DLC1: variants seen among roughly 807,000 people sequenced by gnomAD.
DLC1 encodes the protein rho GTPase-activating protein 7.
Under a neutral mutation model 140.3 loss-of-function variants are expected in DLC1, and 54 were observed. The observed-to-expected ratio is 0.38, with a 90% confidence interval of 0.31 to 0.48. The LOEUF is 0.48. Ranked by LOEUF, DLC1 falls within the 20% of genes least tolerant of loss-of-function variation. DLC1 has a pLI of 0.96. For synonymous variants in DLC1, 986 were observed against 728.1 expected, an observed-to-expected ratio of 1.35 and a Z score of -5.70; for missense variants, 2,536 against 1,907.0, an observed-to-expected ratio of 1.33 and a Z score of -6.14.
At chr8:13,299,743 AG>A (rs1563235129) in intron 5 of DLC1, among the ~76,000 whole-genome samples, 1 of 152,190 alleles carries the variant, frequency 6.6e-6, no homozygotes, top group Non-Finnish European at 1.5e-5. Context: ...GTTTAATAAC[AG>A]GACCATTTAT....
chr8:13,585,680 C>G (rs1204648461), intron 1 of DLC1, among the ~76,000 whole-genome samples: 1 of 152,138 alleles, frequency 6.6e-6, no homozygotes, highest in Non-Finnish European at 1.5e-5. Context: ...TGCCTCTCTT[C>G]TAGTTTCTGG....
intron 5 of DLC1, among the ~76,000 whole-genome samples, chr8:13,142,208 C>T (rs1349255974): frequency 6.6e-6 from 1 of 152,200 alleles, no homozygotes; most frequent in African/African-American, 2.4e-5. Context: ...TCAATTAAAC[C>T]ACTTTCCTTT....
intron 4 of DLC1, among the ~76,000 whole-genome samples, chr8:13,333,337 C>T (rs923390235): frequency 1.3e-5 from 2 of 152,092 alleles, no homozygotes; most frequent in African/African-American, 4.8e-5. Flanking sequence ...GCCATCCTCC[C>T]ACCTCAGCCT....
chr8:13,369,410 C>G (rs7839387), intron 4 of DLC1, among the ~76,000 whole-genome samples: 27,582 of 149,772 alleles, frequency 0.18, 3,014 homozygotes, highest in Admixed American at 0.25. Context: ...TGAGAGGCTG[C>G]TTTTTCTTTT....
intron 5 of DLC1, chr8:13,133,425 C>T: frequency 1.1e-5 from 6 of 561,402 alleles, no homozygotes; most frequent in Non-Finnish European, 1.2e-5. Flanking sequence ...CCGGCCCCGC[C>T]CCATTCCCAG....
intron 1 of DLC1, among the ~76,000 whole-genome samples, chr8:13,579,353 ATATATATATT>A (rs1471293411): frequency 1.4e-4 from 4 of 28,774 alleles, no homozygotes; most frequent in Admixed American, 5.6e-4. Context: ...ATATATATAT[ATATATATATT>A]TTTATATAAT....
In DLC1 at chr8:13,083,629, T is replaced by G. The variant is rs891763226; in HGVS notation, c.*2182A>C. 1 of 152,656 alleles carries G rather than the reference T, an allele frequency of 6.6e-6. No homozygotes were observed. The highest frequency in any genetic ancestry group is 1.9e-4 in the East Asian group (1 of 5,196). 9.5% of individuals were successfully genotyped at this position (152,656 alleles called of 1,614,324 possible). ...TGGCATTCACTGGTGACCCTGACTC[T>G]GCTTGCAAGCATCTTTCTGCTGTTG... On this transcript the variant is annotated 3_prime_UTR_variant, in exon 18 of 18. Transcript: ENST00000276297.
At chr8:13,225,154 G>A (rs1345905053) in intron 5 of DLC1, among the ~76,000 whole-genome samples, 4 of 152,192 alleles carry the variant, frequency 2.6e-5, no homozygotes, top group Admixed American at 2.6e-4. Context: ...AAAGCTGATA[G>A]GCTTGTGTAA....
intron 2 of DLC1, among the ~76,000 whole-genome samples, chr8:13,411,920 G>T (rs1837800374): frequency 6.6e-6 from 1 of 151,938 alleles, no homozygotes. Flanking sequence ...CAAATGCTTA[G>T]GTAAAAGTTG....
At chr8:13,553,440 A>G (rs924389993) in intron 1 of DLC1, among the ~76,000 whole-genome samples, 5 of 150,738 alleles carry the variant, frequency 3.3e-5, no homozygotes, top group Non-Finnish European at 7.4e-5. Flanking sequence ...TTTTTTTCTT[A>G]TATTAACACA....
At chr8:13,522,245 G>A (rs1478039574) in intron 1 of DLC1, among the ~76,000 whole-genome samples, 4 of 152,078 alleles carry the variant, frequency 2.6e-5, no homozygotes, top group South Asian at 2.1e-4. Context: ...AGAAATCTGG[G>A]ATGCCTCGTT....
intron 1 of DLC1, among the ~76,000 whole-genome samples, chr8:13,522,521 T>A (rs1034183829): frequency 2.6e-5 from 4 of 151,710 alleles, no homozygotes; most frequent in African/African-American, 7.3e-5. Context: ...TTTACTCGGG[T>A]GGCTGAGGCA....
At chr8:13,515,252 C>T (rs890030057), upstream of DLC1, among the ~76,000 whole-genome samples, 2 of 152,144 alleles carry the variant, frequency 1.3e-5, no homozygotes, top group Non-Finnish European at 2.9e-5. Flanking sequence ...AGCCTTAATA[C>T]CATAATTCTT....
At chr8:13,418,259 T>G (rs1454775560) in intron 2 of DLC1, among the ~76,000 whole-genome samples, 1 of 152,178 alleles carries the variant, frequency 6.6e-6, no homozygotes, top group Non-Finnish European at 1.5e-5. Flanking sequence ...TTGCCATTGC[T>G]TTTGGTGTTT....
At chr8:13,538,474 A>G (rs568007345) in intron 1 of DLC1, among the ~76,000 whole-genome samples, 6 of 152,040 alleles carry the variant, frequency 3.9e-5, no homozygotes, top group African/African-American at 1.4e-4. Flanking sequence ...TTCGAAGACG[A>G]GCAGATATGA....
intron 2 of DLC1, among the ~76,000 whole-genome samples, chr8:13,407,276 A>G (rs1253502693): frequency 2.0e-5 from 3 of 152,118 alleles, no homozygotes; most frequent in East Asian, 1.9e-4. Context: ...GTTTTTAGAG[A>G]ATCATTCTTT....
intron 4 of DLC1, among the ~76,000 whole-genome samples, chr8:13,346,704 T>A (rs1405400533): frequency 1.3e-5 from 2 of 152,214 alleles, no homozygotes; most frequent in African/African-American, 4.8e-5. Context: ...TGGAGTGGGC[T>A]TGCCAATGAA....
Position 13,535,678 on chromosome 8 carries a change from AAAAAAAG to A in DLC1, c.-125-35489_-125-35483del, listed in dbSNP as rs1392456095. Among the ~76,000 whole-genome samples, 124 of 149,336 alleles carry A rather than the reference AAAAAAAG, an allele frequency of 8.3e-4. 1 individual carries two copies. The highest frequency in any genetic ancestry group is 1.3e-3 in the Non-Finnish European group (90 of 67,376). The stretch of plus-strand genomic sequence containing the variant: ...GGGGATCATTGCTCATTAAAAAAAA[AAAAAAAG>A]AAAAGAAAACAACAACCCTCCTCCA... On this transcript the variant is annotated intron_variant, in intron 1 of 1. Transcript: ENST00000631382.
At chr8:13,430,040 T>C (rs756925166) in intron 2 of DLC1, among the ~76,000 whole-genome samples, 5 of 152,220 alleles carry the variant, frequency 3.3e-5, no homozygotes, top group Non-Finnish European at 7.3e-5. Flanking sequence ...AAAATTATGG[T>C]ACCTAGGCCA....
Sources: allele counts gnomAD v4.1 joint callset (sites outside exome capture counted in the v4.1 genomes callset), GRCh38; gene constraint gnomAD v4.1.1; transcripts MANE v1.5; gene names NCBI Gene and HGNC (gene_info 2026-07-23, HGNC 2026-07-21).